Variants in ATP2C2 observed in about 807,000 individuals in gnomAD.
ATP2C2 encodes the protein ATPase secretory pathway Ca2+ transporting 2.
ATP2C2 carries 171 observed loss-of-function variants against 110.8 expected under a neutral mutation model. The ratio of observed to expected loss-of-function variants is 1.54; its 90% confidence interval spans 1.36 to 1.75. ATP2C2 has a LOEUF of 1.75. Ranked by LOEUF, ATP2C2 falls within the 40% of genes most tolerant of loss-of-function variation. The pLI, the probability that ATP2C2 is intolerant of heterozygous loss-of-function variation, is 0.00. For missense variants in ATP2C2, 1,963 were observed against 1,235.0 expected, an observed-to-expected ratio of 1.59 and a Z score of -8.84; for synonymous variants, 804 against 508.4, an observed-to-expected ratio of 1.58 and a Z score of -7.82.
intron 21 of ATP2C2, among the ~76,000 whole-genome samples, chr16:84,456,057 A>C (rs1910762761): frequency 9.9e-6 from 1 of 101,288 alleles, no homozygotes; most frequent in Non-Finnish European, 2.0e-5. Context: ...TTTTTGCATC[A>C]ATGTTCATCA....
intron 3 of ATP2C2, chr16:84,406,547 T>C: frequency 2.1e-6 from 2 of 971,234 alleles, no homozygotes; most frequent in Non-Finnish European, 2.4e-6. Flanking sequence ...CAGCATCCTC[T>C]GTCTCCACTC....
rs918496235 is a variant in ATP2C2, at chr16:84,413,527, C to T, written c.516-1956C>T. 4.6e-5 allele frequency among the ~76,000 whole-genome samples: 7 copies of T among 152,136 alleles called. No individual in the cohort carries two copies. In the East Asian group the frequency reaches 7.7e-4, roughly 17 times the overall value. On this transcript the variant is annotated intron_variant, in intron 6 of 26. Coordinates refer to ENST00000262429, the MANE Select transcript of ATP2C2 (RefSeq NM_014861.4). Reference sequence around the variant, plus strand: ...TGCTGTCAGAAATCCAGACATGTGACATCATTAACTGAGCAAACGGAAGCA... The same window carrying T: ...TGCTGTCAGAAATCCAGACATGTGATATCATTAACTGAGCAAACGGAAGCA...
intron 6 of ATP2C2, among the ~76,000 whole-genome samples, chr16:84,413,270 G>A (rs147308592): frequency 1.9e-3 from 294 of 152,256 alleles, no homozygotes; most frequent in Middle Eastern, 0.01. Context: ...CACATGTTGT[G>A]CAACTGAGCC....
chr16:84,399,758 T>C (rs1326700207), intron 2 of ATP2C2, among the ~76,000 whole-genome samples: 1 of 152,224 alleles, frequency 6.6e-6, no homozygotes, highest in Non-Finnish European at 1.5e-5. Context: ...ATCCTTTGTG[T>C]TACAAGTCAT....
At chr16:84,428,894 G>C (rs1441205366) in intron 11 of ATP2C2, among the ~76,000 whole-genome samples, 1 of 152,192 alleles carries the variant, frequency 6.6e-6, no homozygotes, top group Non-Finnish European at 1.5e-5. Context: ...TTTCCCCCTA[G>C]ACCTGTTTGG....
At chr16:84,410,538 T>C in intron 4 of ATP2C2, 30 bp from the exon 5 acceptor site, 7 of 1,612,518 alleles carry the variant, frequency 4.3e-6, no homozygotes, top group Non-Finnish European at 5.9e-6. Context: ...GAGCCTCTGG[T>C]ACTGACACCC....
rs370823726 is a variant in ATP2C2, at chr16:84,453,446, C to T, written c.1980+75C>T. ...GACACTGTGGCTCGAGGAGCTCATG[C>T]GTCCGTCGGGTGACAGTGCAGGGCC... On this transcript the variant is annotated intron_variant, in intron 20 of 26. Coordinates refer to ENST00000262429, the MANE Select transcript of ATP2C2 (RefSeq NM_014861.4). 37 of 1,581,462 alleles carry T rather than the reference C, an allele frequency of 2.3e-5. No homozygotes were observed. In the African/African-American group the frequency reaches 3.1e-4, roughly 13 times the overall value.
chr16:84,419,704 T>A (rs1455205323), intron 7 of ATP2C2, among the ~76,000 whole-genome samples: 1 of 152,252 alleles, frequency 6.6e-6, no homozygotes, highest in East Asian at 1.9e-4. Context: ...AACAAGTGTT[T>A]CCTGAGCACC....
chr16:84,394,399 C>A (rs932585433), intron 1 of ATP2C2, among the ~76,000 whole-genome samples: 1 of 152,064 alleles, frequency 6.6e-6, no homozygotes, highest in Non-Finnish European at 1.5e-5. Context: ...TCTGCTCCTA[C>A]GAATTTGCCT....
chr16:84,460,651 C>T lies in ATP2C2; in HGVS notation c.2334-3C>T, dbSNP rs754125421. 5.6e-6 allele frequency: 9 copies of T among 1,614,082 alleles called. No homozygotes were observed. The South Asian group carries it at 6.6e-5, about 12-fold the overall frequency. ...CAAAGTGTCTGTGTCTTGTTCGGAGCAGCTTGGGGGTAGAGCCCGTTGACA... is the reference window on the plus strand; with the variant it reads ...CAAAGTGTCTGTGTCTTGTTCGGAGTAGCTTGGGGGTAGAGCCCGTTGACA... On this transcript the variant is annotated splice_polypyrimidine_tract_variant and splice_region_variant and intron_variant, in intron 23 of 26. Transcript: ENST00000262429.
At chr16:84,429,829 C>A (rs952015204) in intron 11 of ATP2C2, among the ~76,000 whole-genome samples, 3 of 152,206 alleles carry the variant, frequency 2.0e-5, no homozygotes, top group Admixed American at 6.5e-5. Context: ...GAAACAGAAG[C>A]TTATTCTCAC....
chr16:84,427,287 G>C (rs985845639), intron 11 of ATP2C2, among the ~76,000 whole-genome samples: 1 of 152,186 alleles, frequency 6.6e-6, no homozygotes, highest in African/African-American at 2.4e-5. Flanking sequence ...CTTAGGTACA[G>C]TGGAATATTT....
At chr16:84,463,262 C>T (rs1418933092) in intron 26 of ATP2C2, among the ~76,000 whole-genome samples, 1 of 152,036 alleles carries the variant, frequency 6.6e-6, no homozygotes, top group Non-Finnish European at 1.5e-5. Flanking sequence ...ACAGGGAGCC[C>T]AGACTGGTCA....
intron 7 of ATP2C2, among the ~76,000 whole-genome samples, chr16:84,420,197 C>A (rs1025472441): frequency 7.2e-5 from 11 of 152,150 alleles, no homozygotes; most frequent in Non-Finnish European, 1.6e-4. Context: ...GGTGTTGGAT[C>A]CAGTGCTTGT....
chr16:84,379,243 G>A (rs937885292), intron 1 of ATP2C2, among the ~76,000 whole-genome samples: 2 of 151,098 alleles, frequency 1.3e-5, no homozygotes, highest in African/African-American at 2.4e-5. Flanking sequence ...GTGCAGTGGC[G>A]CAATCATGGC....
chr16:84,463,043 T>G (rs778831530), intron 26 of ATP2C2: 3 of 157,854 alleles, frequency 1.9e-5, no homozygotes, highest in Admixed American at 6.2e-5. Context: ...CTCTGCTCAC[T>G]GGCTGTTTCC....
intron 15 of ATP2C2, among the ~76,000 whole-genome samples, chr16:84,444,953 A>G (rs1428673977): frequency 6.6e-6 from 1 of 152,134 alleles, no homozygotes; most frequent in Non-Finnish European, 1.5e-5. Context: ...CTCCTGGATT[A>G]GGGTCTTGGG....
chr16:84,455,572 T>A (rs1597875710), intron 21 of ATP2C2, among the ~76,000 whole-genome samples: 1 of 107,686 alleles, frequency 9.3e-6, no homozygotes, highest in African/African-American at 3.5e-5. Context: ...CCTTCCTAAT[T>A]TTAATTAGTT....
chr16:84,375,409 C>T (rs1414768947), intron 1 of ATP2C2, among the ~76,000 whole-genome samples: 2 of 152,054 alleles, frequency 1.3e-5, no homozygotes, highest in African/African-American at 4.8e-5. Flanking sequence ...GGTGTGGTGG[C>T]ATGTGCCTGT....
Sources: gnomAD v4.1 joint callset for allele counts (sites outside exome capture counted in the v4.1 genomes callset) on GRCh38, gnomAD v4.1.1 for gene constraint, MANE v1.5 for transcripts, NCBI Gene and HGNC (gene_info 2026-07-23, HGNC 2026-07-21) for gene names.